KIF21A: variants seen among roughly 807,000 people sequenced by gnomAD.
KIF21A encodes the protein kinesin family member 21A, also known as kinesin-like protein KIF21A.
Under a neutral mutation model 202.9 loss-of-function variants are expected in KIF21A, and 114 were observed. The observed-to-expected ratio is 0.56, with a 90% CI of 0.48 to 0.66. The LOEUF (loss-of-function observed/expected upper bound fraction) is 0.66, where lower values mean the gene tolerates loss of function less well. KIF21A is among the 30% of genes least tolerant of loss of function. The pLI, the probability that KIF21A is intolerant of heterozygous loss-of-function variation, is 0.00. For synonymous variants in KIF21A, 667 were observed against 670.8 expected (o/e 0.99, Z 0.09); for missense variants, 1,677 against 1,994.9 (o/e 0.84, Z 3.04).
At chr12:39,313,006 T>C (rs1419859855) in intron 31 of KIF21A, among the ~76,000 whole-genome samples, 1 of 151,970 alleles carries the variant, frequency 6.6e-6, no homozygotes, top group South Asian at 2.1e-4. Context: ...TTTGTTTCCA[T>C]CTTCTTAATG....
intron 4 of KIF21A, among the ~76,000 whole-genome samples, chr12:39,367,590 C>T (rs1292988058): frequency 6.6e-6 from 1 of 152,202 alleles, no homozygotes; most frequent in African/African-American, 2.4e-5. Flanking sequence ...ATTGTGGTCT[C>T]ATTCTTCACC....
rs1179262275 is a variant in KIF21A at position 39,325,840 on chromosome 12, T to C, written c.3455A>G (p.Lys1152Arg). ...CCTGATACTTTTAGTTCTCCTTACCTTGTTCTTAGGTTTCACTTCACCACA... is the reference window on the plus strand; with the variant it reads ...CCTGATACTTTTAGTTCTCCTTACCCTGTTCTTAGGTTTCACTTCACCACA... ...KLCGEVKPKNKARRRTTTQME... is the reference protein window; with the variant it reads ...KLCGEVKPKNRARRRTTTQME... The change falls in exon 26 of 38, where the codon AAG becomes AGG. Residue 1152 changes from lysine to arginine, a missense_variant and splice_region_variant. Around this residue, in one of 3 missense-constraint regions of KIF21A, gnomAD observed 705 missense variants for 791.9 expected, o/e 0.89. Transcript: ENST00000361418. 1.2e-6 allele frequency: 2 copies of C among 1,606,956 alleles called. No homozygotes were observed. Among genetic ancestry groups the C allele is most frequent in the Non-Finnish European group, 1.7e-6 (2 of 1,173,800 alleles).
chr12:39,336,791 A>T (rs1947011975), intron 17 of KIF21A, among the ~76,000 whole-genome samples: 1 of 152,186 alleles, frequency 6.6e-6, no homozygotes, highest in Non-Finnish European at 1.5e-5. Flanking sequence ...CTTATATAAT[A>T]CTGCAACTAG....
intron 1 of KIF21A, among the ~76,000 whole-genome samples, chr12:39,387,818 G>C (rs1419587529): frequency 6.6e-6 from 1 of 152,138 alleles, no homozygotes; most frequent in Non-Finnish European, 1.5e-5. Flanking sequence ...CGTGGTGAGG[G>C]AGTAGAGATG....
chr12:39,422,599 TTTAA>T (rs1954392524), intron 1 of KIF21A, among the ~76,000 whole-genome samples: 2 of 152,282 alleles, frequency 1.3e-5, no homozygotes, highest in South Asian at 2.1e-4. Flanking sequence ...ACCTCAAAAC[TTTAA>T]TTAGCCACTT....
Position 39,442,402 on chromosome 12 carries a change from T to A in KIF21A, c.44+525A>T, listed in dbSNP as rs368425139. On this transcript the variant is annotated intron_variant, in intron 1 of 37. Coordinates refer to ENST00000361418, the MANE Select transcript of KIF21A (RefSeq NM_001173464.2). The surrounding 1 kb of genome is among the most constrained non-coding windows in gnomAD (Gnocchi z 5.0). ...AAAAGATGTCTCATTTGCACAGACATCAGAACCCGAGTGGGCGCGCGGCGG... is the reference window on the plus strand; with the variant it reads ...AAAAGATGTCTCATTTGCACAGACAACAGAACCCGAGTGGGCGCGCGGCGG... Among the ~76,000 whole-genome samples, 34 of 152,220 alleles carry A rather than the reference T, an allele frequency of 2.2e-4. No individual in the cohort carries two copies. The highest frequency in any genetic ancestry group is 7.9e-4 in the African/African-American group (33 of 41,514).
intron 28 of KIF21A, among the ~76,000 whole-genome samples, chr12:39,318,803 A>T (rs1369153512): frequency 6.6e-6 from 1 of 151,998 alleles, no homozygotes; most frequent in Non-Finnish European, 1.5e-5. Context: ...ACATGGTGAA[A>T]CCCCGTCCCT....
intron 11 of KIF21A, among the ~76,000 whole-genome samples, chr12:39,349,215 C>A (rs60507583): frequency 0.063 from 9,632 of 152,026 alleles, 1,032 homozygotes; most frequent in African/African-American, 0.22. Flanking sequence ...CCCTGTCTTG[C>A]CTTTTCTTGC....
At position 39,357,316 on chromosome 12, in the gene KIF21A, A is replaced by G; in HGVS notation, c.1337T>C (p.Val446Ala). ...RVRIKAMQET[V>A]DALRSRITQL... ...TGTAATTCTGGACCTCAATGCATCA[A>G]CCGTCTCTTGCATGGCTTTAATTCT... Residue 446 changes from valine (V) to alanine (A), a missense_variant, in exon 9 of 38, where the codon GTT becomes GCT. By Grantham distance (64) the Val-to-Ala change is moderately conservative. This residue lies in a region of KIF21A where 966 missense variants were observed against 1,180.9 expected (regional missense o/e 0.82). Coordinates refer to ENST00000361418, the MANE Select transcript of KIF21A (RefSeq NM_001173464.2). The G allele has an allele frequency of 6.2e-7, 1 of 1,613,808 alleles. No individual in the cohort carries two copies. Among genetic ancestry groups the G allele is most frequent in the African/African-American group, 1.3e-5 (1 of 74,960 alleles).
intron 8 of KIF21A, 32 bp downstream of exon 8, chr12:39,358,146 C>T: frequency 1.3e-6 from 2 of 1,595,352 alleles, no homozygotes; most frequent in Non-Finnish European, 8.6e-7. Context: ...TTAGATGTAT[C>T]ACAAAATGCA....
intron 5 of KIF21A, 145 bp from the exon 6 acceptor site, chr12:39,366,662 G>A (rs1458379499): frequency 3.0e-6 from 2 of 673,206 alleles, no homozygotes; most frequent in African/African-American, 3.6e-5. Flanking sequence ...AATGTCTGCT[G>A]GCAATTAGAA....
At chr12:39,319,678 T>C (rs1043407288) in intron 28 of KIF21A, among the ~76,000 whole-genome samples, 1 of 151,854 alleles carries the variant, frequency 6.6e-6, no homozygotes, top group African/African-American at 2.4e-5. Flanking sequence ...AGTAAGTAAG[T>C]GGACATGATC....
intron 1 of KIF21A, among the ~76,000 whole-genome samples, chr12:39,383,777 T>A (rs948892662): frequency 3.9e-5 from 6 of 152,066 alleles, no homozygotes; most frequent in Non-Finnish European, 8.8e-5. Context: ...CCAGCCTGGG[T>A]GACAGAATGA....
intron 1 of KIF21A, among the ~76,000 whole-genome samples, chr12:39,416,683 G>GTACATATATA (rs1953673369): frequency 1.1e-5 from 1 of 88,790 alleles, no homozygotes; most frequent in African/African-American, 5.2e-5. Context: ...ACATATATAT[G>GTACATATATA]TGTGTATATA....
At chr12:39,346,883 C>T (rs539147252) in intron 11 of KIF21A, among the ~76,000 whole-genome samples, 6 of 151,742 alleles carry the variant, frequency 4.0e-5, no homozygotes, top group Non-Finnish European at 7.4e-5. Flanking sequence ...CAATAATATT[C>T]TCTTTCAAGC....
chr12:39,431,136 T>C (rs1261481085), intron 1 of KIF21A, among the ~76,000 whole-genome samples: 1 of 152,162 alleles, frequency 6.6e-6, no homozygotes, highest in Non-Finnish European at 1.5e-5. Context: ...AGTAGAAAGC[T>C]GGACAACTAA....
chr12:39,358,954 AGCC>A (rs1949000619), intron 7 of KIF21A, among the ~76,000 whole-genome samples: 1 of 152,216 alleles, frequency 6.6e-6, no homozygotes, highest in Non-Finnish European at 1.5e-5. Context: ...AAATTGATTT[AGCC>A]ACCGAAGATT....
At chr12:39,319,292 C>G (rs558153853) in intron 28 of KIF21A, among the ~76,000 whole-genome samples, 86 of 152,236 alleles carry the variant, frequency 5.6e-4, no homozygotes, top group Admixed American at 1.2e-3. Context: ...TGGTTCTAAT[C>G]CAATCAACTT....
intron 1 of KIF21A, among the ~76,000 whole-genome samples, chr12:39,414,942 T>A (rs1182542823): frequency 4.7e-5 from 7 of 150,038 alleles, no homozygotes; most frequent in African/African-American, 1.5e-4. Context: ...TTTTTTTTTT[T>A]AATGGAATGG....
Sources: allele counts gnomAD v4.1 joint callset (sites outside exome capture counted in the v4.1 genomes callset), GRCh38; gene constraint gnomAD v4.1.1; regional missense constraint gnomAD v4.1.1; non-coding constraint Gnocchi (gnomAD v3.1); transcripts MANE v1.5; gene names NCBI Gene and HGNC (gene_info 2026-07-23, HGNC 2026-07-21).